Variants in ADAM12 observed in about 807,000 individuals in gnomAD.
The protein encoded by ADAM12 is ADAM metallopeptidase domain 12, also known as disintegrin and metalloproteinase domain-containing protein 12.
Under a neutral mutation model 106.4 loss-of-function variants are expected in ADAM12, and 70 were observed. That is an observed-to-expected ratio of 0.66 (90% CI 0.54 to 0.80). The LOEUF is 0.80. Ranked by LOEUF, ADAM12 falls within the 30% of genes least tolerant of loss-of-function variation. The pLI, the probability that ADAM12 is intolerant of heterozygous loss-of-function variation, is 0.00. For missense variants in ADAM12, 1,010 were observed against 1,171.9 expected (o/e 0.86, Z 2.02); for synonymous variants, 420 against 433.5 (o/e 0.97, Z 0.39).
chr10:126,319,656 C>T (rs909533741), intron 2 of ADAM12, among the ~76,000 whole-genome samples: 64 of 152,172 alleles, frequency 4.2e-4, no homozygotes, highest in African/African-American at 1.5e-3. Context: ...CATCAGAAAA[C>T]GAACATTGAG....
At chr10:126,354,818 T>TA (rs36113340) in intron 1 of ADAM12, among the ~76,000 whole-genome samples, 246 of 152,030 alleles carry the variant, frequency 1.6e-3, no homozygotes, top group African/African-American at 5.8e-3. Context: ...GTTTTTTTTT[T>TA]AATGAATACT....
intron 3 of ADAM12, among the ~76,000 whole-genome samples, chr10:126,174,008 A>ATTTTTTTTTTTTTTT (rs200354475): frequency 9.9e-5 from 9 of 90,470 alleles, no homozygotes; most frequent in Admixed American, 3.5e-4. Flanking sequence ...TCTGTTGTTG[A>ATTTTTTTTTTTTTTT]TTTTTTTTTT....
chr10:126,377,728 G>A (rs1170140622), intron 1 of ADAM12, among the ~76,000 whole-genome samples: 2 of 152,198 alleles, frequency 1.3e-5, no homozygotes, highest in Admixed American at 6.5e-5. Flanking sequence ...TGGAACGGAG[G>A]TAAATAGAAC....
At chr10:126,182,803 T>A (rs1253567681) in intron 3 of ADAM12, among the ~76,000 whole-genome samples, 1 of 152,240 alleles carries the variant, frequency 6.6e-6, no homozygotes, top group Non-Finnish European at 1.5e-5. Context: ...TTCTCGGGAC[T>A]ATGGGGATTT....
intron 14 of ADAM12, among the ~76,000 whole-genome samples, chr10:126,059,771 G>A (rs1054267875): frequency 4.6e-5 from 7 of 152,360 alleles, no homozygotes; most frequent in Middle Eastern, 6.8e-3. Flanking sequence ...CGTGACTATA[G>A]ATGTGTAGTT....
At chr10:126,208,488 C>CA (rs1371852825) in intron 3 of ADAM12, among the ~76,000 whole-genome samples, 1 of 152,112 alleles carries the variant, frequency 6.6e-6, no homozygotes, top group Non-Finnish European at 1.5e-5. Flanking sequence ...TACACAAGCA[C>CA]AAATAAATGT....
At chr10:126,323,642 G>A (rs1656194553) in intron 2 of ADAM12, among the ~76,000 whole-genome samples, 1 of 152,196 alleles carries the variant, frequency 6.6e-6, no homozygotes, top group Non-Finnish European at 1.5e-5. Context: ...AGCTGTGGCT[G>A]CTGCCCTGAG....
intron 14 of ADAM12, among the ~76,000 whole-genome samples, chr10:126,058,904 C>A (rs907065058): frequency 6.6e-6 from 1 of 152,176 alleles, no homozygotes; most frequent in Non-Finnish European, 1.5e-5. Context: ...TGAAGACAAG[C>A]GATTTCACAT....
chr10:126,034,249 T>C (rs1263655141), intron 21 of ADAM12, among the ~76,000 whole-genome samples: 1 of 152,082 alleles, frequency 6.6e-6, no homozygotes, highest in Non-Finnish European at 1.5e-5. Flanking sequence ...AGAGGACATT[T>C]TGGCAATGTT....
chr10:126,070,874 G>A (rs1954974264), intron 12 of ADAM12, among the ~76,000 whole-genome samples: 3 of 152,108 alleles, frequency 2.0e-5, no homozygotes, highest in African/African-American at 7.2e-5. Flanking sequence ...ATTATCTTGG[G>A]CCCTATTAAA....
chr10:126,292,104 T>C (rs1960177975), intron 2 of ADAM12, among the ~76,000 whole-genome samples: 1 of 152,156 alleles, frequency 6.6e-6, no homozygotes, highest in African/African-American at 2.4e-5. Context: ...GACTGCTCTC[T>C]TGAGCCCAGC....
At chr10:126,380,277 T>A (rs1356929188) in intron 1 of ADAM12, among the ~76,000 whole-genome samples, 1 of 152,234 alleles carries the variant, frequency 6.6e-6, no homozygotes, top group Non-Finnish European at 1.5e-5. Context: ...ATATTCAATG[T>A]GCACATTTCA....
chr10:126,287,193 G>A (rs776166948), intron 2 of ADAM12, among the ~76,000 whole-genome samples: 2 of 152,048 alleles, frequency 1.3e-5, no homozygotes, highest in African/African-American at 2.4e-5. Flanking sequence ...AATACTTCTG[G>A]TCTGCTTCTG....
chr10:126,327,706 C>A (rs1590786563), intron 2 of ADAM12, among the ~76,000 whole-genome samples: 1 of 151,966 alleles, frequency 6.6e-6, no homozygotes, highest in Non-Finnish European at 1.5e-5. Flanking sequence ...GTTGTGAACA[C>A]TGCATGTCAC....
rs184269293 is a variant in ADAM12, at chr10:126,086,821, G to A, written c.1145+7164C>T. 2.9e-3 allele frequency among the ~76,000 whole-genome samples: 438 copies of A among 149,198 alleles called. 5 individuals are homozygous for A. The highest frequency in any genetic ancestry group is 0.01 in the African/African-American group (420 of 40,388). ...AGCCGAGGCTCACAGATCACTTGAG[G>A]TCAGGAGTTCCAGACCAGCCTGGCC... On this transcript the variant is annotated intron_variant, in intron 11 of 22. Transcript: ENST00000448723.
intron 14 of ADAM12, among the ~76,000 whole-genome samples, chr10:126,059,192 A>G (rs1954698693): frequency 6.6e-6 from 1 of 152,214 alleles, no homozygotes; most frequent in Non-Finnish European, 1.5e-5. Flanking sequence ...AAGAGAAATG[A>G]TGGCATCTTG....
chr10:126,039,998 G>A (rs1482020180), intron 18 of ADAM12, among the ~76,000 whole-genome samples: 1 of 152,214 alleles, frequency 6.6e-6, no homozygotes, highest in Non-Finnish European at 1.5e-5. Context: ...GCTTTGTTAT[G>A]TTGGGGACTT....
At chr10:126,301,925 T>C (rs1021970770) in intron 2 of ADAM12, among the ~76,000 whole-genome samples, 6 of 152,174 alleles carry the variant, frequency 3.9e-5, no homozygotes, top group Non-Finnish European at 1.5e-5. Flanking sequence ...TACTTAATCT[T>C]TTCAAATTCA....
At chr10:126,071,436 T>C (rs1363036778) in intron 12 of ADAM12, 41 bp downstream of exon 12, 5 of 1,605,670 alleles carry the variant, frequency 3.1e-6, no homozygotes, top group Non-Finnish European at 4.3e-6. Context: ...TAGCCGAGGA[T>C]ACAAGTCTTC....
Sources: allele counts gnomAD v4.1 joint callset (sites outside exome capture counted in the v4.1 genomes callset), GRCh38; gene constraint gnomAD v4.1.1; transcripts MANE v1.5; gene names NCBI Gene and HGNC (gene_info 2026-07-23, HGNC 2026-07-21).